Variants in LRP1B observed in about 807,000 individuals in gnomAD.
LRP1B encodes the protein LDL receptor related protein 1B.
Under a neutral mutation model 556.6 loss-of-function variants are expected in LRP1B, and 217 were observed. The ratio of observed to expected loss-of-function variants is 0.39; its 90% confidence interval spans 0.35 to 0.44. The LOEUF is 0.44. Among genes scored for constraint, LRP1B ranks in the 20% least tolerant of loss-of-function variants. The pLI, the probability that LRP1B is intolerant of heterozygous loss-of-function variation, is 1.00. For missense variants in LRP1B, 5,053 were observed against 5,620.8 expected, an observed-to-expected ratio of 0.90 and a Z score of 3.23; for synonymous variants, 2,047 against 1,865.8, an observed-to-expected ratio of 1.10 and a Z score of -2.50.
intron 1 of LRP1B, among the ~76,000 whole-genome samples, chr2:141,838,508 G>A (rs542405626): frequency 6.6e-6 from 1 of 152,248 alleles, no homozygotes; most frequent in East Asian, 1.9e-4. Flanking sequence ...ACAAAATTAG[G>A]TAATAAGTGA....
intron 2 of LRP1B, among the ~76,000 whole-genome samples, chr2:141,642,370 G>A (rs1689368287): frequency 6.6e-6 from 1 of 152,150 alleles, no homozygotes; most frequent in African/African-American, 2.4e-5. Flanking sequence ...GTAAGTGGAA[G>A]TATTTTCCAA....
At chr2:142,012,467 A>T (rs917607534) in intron 1 of LRP1B, among the ~76,000 whole-genome samples, 2 of 152,118 alleles carry the variant, frequency 1.3e-5, no homozygotes, top group Non-Finnish European at 2.9e-5. Context: ...GTTGAACTGC[A>T]ATTTATTCCA....
rs1329506015 is a variant in LRP1B, at chr2:141,998,951, C to T, written c.82+131697G>A. Among the ~76,000 whole-genome samples the T allele has an allele frequency of 3.3e-5, 5 of 152,252 alleles. No individual in the cohort carries two copies. In the South Asian group the frequency reaches 1.0e-3, roughly 32 times the overall value. ...AATTCCTTCCTGGATCAGAGAATGG[C>T]CTGGAAAGGAACATAAATTTTCTAC... is the stretch of plus-strand genomic sequence containing the variant. On this transcript the variant is annotated intron_variant, in intron 1 of 90. Coordinates refer to ENST00000389484, the MANE Select transcript of LRP1B (RefSeq NM_018557.3).
intron 1 of LRP1B, among the ~76,000 whole-genome samples, chr2:141,872,830 A>G (rs1698633519): frequency 6.6e-6 from 1 of 152,034 alleles, no homozygotes; most frequent in African/African-American, 2.4e-5. Context: ...AAATTAATTA[A>G]TTAAAACATT....
intron 3 of LRP1B, among the ~76,000 whole-genome samples, chr2:141,429,890 T>A (rs931928573): frequency 2.6e-5 from 4 of 152,118 alleles, no homozygotes; most frequent in Non-Finnish European, 5.9e-5. Context: ...CTATTGACAA[T>A]GGATTAAGTA....
Position 140,598,766 on chromosome 2 carries a change from AT to A in LRP1B, c.7058del (p.Asn2353MetfsTer32). The A allele has an allele frequency of 1.2e-6, 2 of 1,612,816 alleles. No individual in the cohort carries two copies. The highest frequency in any genetic ancestry group is 1.7e-6 in the Non-Finnish European group (2 of 1,178,974). The stretch of plus-strand genomic sequence containing the variant: ...TGTCTGTACTGACCACCACTTGAGC[AT>A]TTTTCCCAGTCAGAGTAGATCTCAT... ...SIMRSTLTGK[N>X]AQVVVSTDIL... is the part of the protein sequence containing the mutation. On this transcript the variant is annotated frameshift_variant, in exon 43 of 91. Transcript: ENST00000389484. LOFTEE classifies it high-confidence loss of function.
chr2:140,439,479 G>A (rs916086600), intron 66 of LRP1B, among the ~76,000 whole-genome samples: 2 of 152,070 alleles, frequency 1.3e-5, no homozygotes, highest in South Asian at 2.1e-4. Flanking sequence ...TCATGAATAC[G>A]AGGCTAGCAT....
chr2:140,311,518 T>G (rs1684300535), intron 83 of LRP1B, among the ~76,000 whole-genome samples: 1 of 151,658 alleles, frequency 6.6e-6, no homozygotes, highest in African/African-American at 2.4e-5. Context: ...ATTGGAGAAG[T>G]GGAAGGGTGG....
intron 84 of LRP1B, among the ~76,000 whole-genome samples, chr2:140,289,122 T>C (rs1220658724): frequency 6.6e-6 from 1 of 151,998 alleles, no homozygotes; most frequent in Non-Finnish European, 1.5e-5. Flanking sequence ...ATATAATTAC[T>C]AATATTTCAA....
At chr2:140,952,812 T>G (rs1444229821) in intron 18 of LRP1B, among the ~76,000 whole-genome samples, 1 of 152,144 alleles carries the variant, frequency 6.6e-6, no homozygotes, top group East Asian at 1.9e-4. Context: ...ATCCAAGGAA[T>G]TTAGAATTGC....
intron 2 of LRP1B, among the ~76,000 whole-genome samples, chr2:141,730,452 T>C (rs1482963784): frequency 1.3e-5 from 2 of 152,156 alleles, no homozygotes; most frequent in East Asian, 3.9e-4. Context: ...GATAAACTAC[T>C]GGAAAATGCT....
intron 62 of LRP1B, among the ~76,000 whole-genome samples, chr2:140,451,081 A>C (rs1339118098): frequency 6.6e-6 from 1 of 152,154 alleles, no homozygotes; most frequent in Middle Eastern, 3.2e-3. Flanking sequence ...AGCTGGGACT[A>C]TAGGTACATG....
chr2:141,883,875 C>T (rs1002292055), intron 1 of LRP1B, among the ~76,000 whole-genome samples: 1 of 152,024 alleles, frequency 6.6e-6, no homozygotes, highest in Non-Finnish European at 1.5e-5. Flanking sequence ...ATACCAGCAC[C>T]CATGAAGAAT....
At chr2:141,199,929 G>T (rs563358511) in intron 6 of LRP1B, among the ~76,000 whole-genome samples, 39 of 152,162 alleles carry the variant, frequency 2.6e-4, no homozygotes, top group African/African-American at 9.2e-4. Context: ...AATAACATAT[G>T]CTTCCAAGGC....
chr2:140,777,791 G>T (rs1689550319), intron 32 of LRP1B, among the ~76,000 whole-genome samples: 1 of 151,904 alleles, frequency 6.6e-6, no homozygotes, highest in Non-Finnish European at 1.5e-5. Flanking sequence ...AATTACAAAA[G>T]AAGAGTCTTT....
At chr2:140,730,044 T>C (rs533489002) in intron 35 of LRP1B, among the ~76,000 whole-genome samples, 1 of 152,304 alleles carries the variant, frequency 6.6e-6, no homozygotes, top group East Asian at 1.9e-4. Context: ...TCCTTCTTCG[T>C]CCGTATTCAC....
At chr2:141,904,302 G>T (rs753915688) in intron 1 of LRP1B, among the ~76,000 whole-genome samples, 2 of 151,834 alleles carry the variant, frequency 1.3e-5, no homozygotes, top group Admixed American at 6.6e-5. Context: ...ATGCTGAAAC[G>T]TGGTCAGCTC....
At chr2:140,809,311 C>G (rs562482117) in intron 32 of LRP1B, among the ~76,000 whole-genome samples, 98 of 152,098 alleles carry the variant, frequency 6.4e-4, no homozygotes, top group Non-Finnish European at 1.1e-3. Context: ...AAATAAATAT[C>G]TGTATTTCTT....
intron 11 of LRP1B, among the ~76,000 whole-genome samples, chr2:141,031,031 C>A (rs1229634005): frequency 6.6e-6 from 1 of 151,824 alleles, no homozygotes; most frequent in Non-Finnish European, 1.5e-5. Flanking sequence ...TGAGCAAAAA[C>A]CACAAACCTC....
Sources: allele counts gnomAD v4.1 joint callset (sites outside exome capture counted in the v4.1 genomes callset), GRCh38; gene constraint gnomAD v4.1.1; transcripts MANE v1.5; gene names NCBI Gene and HGNC (gene_info 2026-07-23, HGNC 2026-07-21).